Variants in IL1RAPL2 observed in about 807,000 individuals in gnomAD.
IL1RAPL2 encodes X-linked interleukin-1 receptor accessory protein-like 2.
A neutral mutation model predicts 44.1 loss-of-function variants in IL1RAPL2; 3 were observed. That is an observed-to-expected ratio of 0.07 (90% CI 0.03 to 0.18). The LOEUF (loss-of-function observed/expected upper bound fraction) is 0.18, where lower values mean the gene tolerates loss of function less well. Ranked by LOEUF, IL1RAPL2 falls within the 10% of genes least tolerant of loss-of-function variation. The pLI, the probability that IL1RAPL2 is intolerant of heterozygous loss-of-function variation, is 1.00. For synonymous variants in IL1RAPL2, 181 were observed against 178.8 expected (o/e 1.01, Z -0.10); for missense variants, 391 against 496.4 (o/e 0.79, Z 2.02).
intron 5 of IL1RAPL2, among the ~76,000 whole-genome samples, chrX:105,338,673 G>A (rs2035047118): frequency 8.9e-6 from 1 of 112,145 alleles, no homozygotes; most frequent in African/African-American, 3.2e-5. Context: ...TAGCAATACT[G>A]CATTTGAAAA....
rs553655118 is a variant in IL1RAPL2, at chrX:104,891,807, C to T, written c.82+232812C>T. Reference sequence around the variant, plus strand: ...TTATTTCTTTCTCCTGCCTGATTGTCCTGGCCAGAACTTCCAACACTATGT... The same window carrying T: ...TTATTTCTTTCTCCTGCCTGATTGTTCTGGCCAGAACTTCCAACACTATGT... On this transcript the variant is annotated intron_variant, in intron 2 of 10. Transcript: ENST00000372582. 1.5e-4 allele frequency among the ~76,000 whole-genome samples: 17 copies of T among 111,434 alleles called. No homozygotes were observed. The South Asian group carries it at 6.5e-3, about 43-fold the overall frequency.
At chrX:104,851,017 C>G (rs971357611) in intron 2 of IL1RAPL2, among the ~76,000 whole-genome samples, 4 of 110,774 alleles carry the variant, frequency 3.6e-5, no homozygotes, top group Non-Finnish European at 7.6e-5. Context: ...TTTGAGAATC[C>G]TGTTCTTTTT....
At chrX:104,568,200 C>T (rs1928077655) in intron 1 of IL1RAPL2, among the ~76,000 whole-genome samples, 1 of 110,313 alleles carries the variant, frequency 9.1e-6, no homozygotes, top group African/African-American at 3.3e-5. Flanking sequence ...AAGAAGGAAT[C>T]CTCCTTTCTT....
intron 2 of IL1RAPL2, among the ~76,000 whole-genome samples, chrX:104,750,041 T>C (rs988824044): frequency 5.4e-5 from 6 of 111,681 alleles, no homozygotes; most frequent in African/African-American, 2.0e-4. Flanking sequence ...AATTGATTCT[T>C]CTGAGAACTG....
chrX:104,658,859 G>A lies in IL1RAPL2; in HGVS notation c.-19-36G>A, dbSNP rs774053808. 5 of 945,030 alleles carry A rather than the reference G, an allele frequency of 5.3e-6. No individual in the cohort carries two copies. In the East Asian group the frequency reaches 1.2e-4, roughly 23 times the overall value. The allele number at this position is 945,030 out of a possible 1,213,427, so 77.9% of individuals were successfully genotyped here. A position where few individuals can be genotyped will look rare whatever the true frequency, so the allele number is the denominator to read the frequency against. On this transcript the variant is annotated intron_variant, in intron 1 of 10. Coordinates refer to ENST00000372582, the MANE Select transcript of IL1RAPL2 (RefSeq NM_017416.2). The stretch of plus-strand genomic sequence containing the variant: ...TGGTTTTGTTGAGGCCAAGATCTGT[G>A]GTTCAAACTTTATATCCTTTTTTTT...
At chrX:105,099,054 C>T (rs1443940241) in intron 2 of IL1RAPL2, among the ~76,000 whole-genome samples, 2 of 112,333 alleles carry the variant, frequency 1.8e-5, no homozygotes, top group African/African-American at 3.2e-5. Context: ...TGAGCAAATA[C>T]TCTATGTCAA....
chrX:105,388,011 G>A (rs2035490101), intron 5 of IL1RAPL2, among the ~76,000 whole-genome samples: 1 of 106,690 alleles, frequency 9.4e-6, no homozygotes, highest in Admixed American at 1.0e-4. Context: ...AGCTGGGCAT[G>A]GTGGCACATG....
At chrX:104,952,072 T>C (rs1925599490) in intron 2 of IL1RAPL2, among the ~76,000 whole-genome samples, 1 of 111,834 alleles carries the variant, frequency 8.9e-6, no homozygotes, top group Non-Finnish European at 1.9e-5. Flanking sequence ...AAATGAACTC[T>C]GTATGTGTAA....
At chrX:105,035,646 T>G (rs2031615631) in intron 2 of IL1RAPL2, among the ~76,000 whole-genome samples, 2 of 112,523 alleles carry the variant, frequency 1.8e-5, no homozygotes, top group Non-Finnish European at 3.8e-5. Context: ...ATGGAACTAA[T>G]GTTCATTAAA....
chrX:105,704,096 C>T (rs184289406), intron 6 of IL1RAPL2, among the ~76,000 whole-genome samples: 3 of 111,345 alleles, frequency 2.7e-5, no homozygotes, highest in Non-Finnish European at 3.8e-5. Context: ...AAAGAGCTTA[C>T]AGTATAGTAA....
chrX:104,568,153 C>T (rs1193997934), intron 1 of IL1RAPL2, among the ~76,000 whole-genome samples: 1 of 110,641 alleles, frequency 9.0e-6, no homozygotes, highest in Non-Finnish European at 1.9e-5. Flanking sequence ...CGGGACCTGC[C>T]CACCACCACT....
At chrX:104,744,821 T>C (rs1320002454) in intron 2 of IL1RAPL2, among the ~76,000 whole-genome samples, 2 of 110,910 alleles carry the variant, frequency 1.8e-5, no homozygotes, top group Non-Finnish European at 3.8e-5. Flanking sequence ...TTATCAGTTA[T>C]ATATAAATAA....
At chrX:105,084,004 T>G (rs2032447701) in intron 2 of IL1RAPL2, among the ~76,000 whole-genome samples, 1 of 112,420 alleles carries the variant, frequency 8.9e-6, no homozygotes, top group Non-Finnish European at 1.9e-5. Flanking sequence ...CTTTGACAAC[T>G]TCCACATGGT....
chrX:105,199,518 C>G (rs781990367), intron 3 of IL1RAPL2, among the ~76,000 whole-genome samples: 11 of 111,068 alleles, frequency 9.9e-5, no homozygotes, highest in African/African-American at 3.6e-4. Context: ...TCTCAGCTAA[C>G]AGTCTATTTG....
At chrX:104,843,608 C>T (rs192498248) in intron 2 of IL1RAPL2, among the ~76,000 whole-genome samples, 1 of 110,424 alleles carries the variant, frequency 9.1e-6, no homozygotes. Context: ...TCAGGGCTGG[C>T]AGCACAGTCC....
At chrX:105,659,433 G>A (rs1015696216) in intron 6 of IL1RAPL2, among the ~76,000 whole-genome samples, 28 of 110,414 alleles carry the variant, frequency 2.5e-4, no homozygotes, top group Admixed American at 4.8e-4. Context: ...CGAGGCGGGC[G>A]GATCACGAGG....
chrX:105,747,371 CCT>C (rs2038552066), intron 8 of IL1RAPL2, among the ~76,000 whole-genome samples: 1 of 106,224 alleles, frequency 9.4e-6, no homozygotes, highest in Non-Finnish European at 1.9e-5. Context: ...TATCCTTCCC[CCT>C]CTCTCCATAC....
At chrX:105,329,480 A>G (rs2034968950) in intron 5 of IL1RAPL2, among the ~76,000 whole-genome samples, 1 of 112,042 alleles carries the variant, frequency 8.9e-6, no homozygotes, top group African/African-American at 3.2e-5. Flanking sequence ...AAGTGAATTT[A>G]TCATATATTG....
In IL1RAPL2 at chrX:105,744,912, C is replaced by G. The variant is rs769740129; in HGVS notation, c.1049-4048C>G. ...CCTTTCTCATAAAACAGGGGCATAT[C>G]ATTGAATCTCTCTCTCTTCATTCTC... On this transcript the variant is annotated intron_variant, in intron 8 of 10. Transcript: ENST00000372582. Among the ~76,000 whole-genome samples, 33 of 111,816 alleles carry G rather than the reference C, an allele frequency of 3.0e-4. No homozygotes were observed. The South Asian group carries it at 0.012, about 40-fold the overall frequency.
Sources: gnomAD v4.1 joint callset for allele counts (sites outside exome capture counted in the v4.1 genomes callset) on GRCh38, gnomAD v4.1.1 for gene constraint, MANE v1.5 for transcripts, NCBI Gene and HGNC (gene_info 2026-07-23, HGNC 2026-07-21) for gene names.